DNAH12: variants seen among roughly 807,000 people sequenced by gnomAD.
DNAH12 encodes the protein dynein axonemal heavy chain 12, also known as axonemal beta dynein heavy chain 12.
A neutral mutation model predicts 371.5 loss-of-function variants in DNAH12; 285 were observed. That is an observed-to-expected ratio of 0.77 (90% CI 0.70 to 0.85). The LOEUF is 0.85. Among genes scored for constraint, DNAH12 ranks in the 40% least tolerant of loss-of-function variants. DNAH12 has a pLI of 0.00. For missense variants in DNAH12, 3,611 were observed against 3,689.4 expected (o/e 0.98, Z 0.55); for synonymous variants, 1,200 against 1,213.0 (o/e 0.99, Z 0.22).
intron 51 of DNAH12, among the ~76,000 whole-genome samples, chr3:57,380,070 T>C (rs1265118813): frequency 1.3e-5 from 2 of 152,120 alleles, no homozygotes; most frequent in Non-Finnish European, 2.9e-5. Flanking sequence ...AGTATCTTCT[T>C]AAATAACTTT....
intron 2 of DNAH12, among the ~76,000 whole-genome samples, chr3:57,526,745 G>A (rs1271446212): frequency 6.6e-6 from 1 of 151,764 alleles, no homozygotes; most frequent in Non-Finnish European, 1.5e-5. Context: ...GGATGGTCTC[G>A]ATTTCCTGAC....
intron 39 of DNAH12, 105 bp from the exon 40 acceptor site, chr3:57,408,640 A>C: frequency 7.6e-7 from 1 of 1,321,338 alleles, no homozygotes; most frequent in East Asian, 2.8e-5. Context: ...AGCTTCTCTA[A>C]AAGGAATAAC....
chr3:57,297,353 A>C, intron 70 of DNAH12: 2 of 184,760 alleles, frequency 1.1e-5, no homozygotes. Flanking sequence ...CCAGTTCCTT[A>C]ACCCTATTTT....
intron 11 of DNAH12, among the ~76,000 whole-genome samples, chr3:57,495,044 T>A (rs1397995773): frequency 6.6e-6 from 1 of 151,920 alleles, no homozygotes; most frequent in African/African-American, 2.4e-5. Context: ...AACAGAGATA[T>A]TTTAAAATAA....
chr3:57,347,025 C>A (rs920126399), intron 60 of DNAH12, among the ~76,000 whole-genome samples: 2 of 152,064 alleles, frequency 1.3e-5, no homozygotes, highest in African/African-American at 2.4e-5. Flanking sequence ...CTGAATAATT[C>A]TAAACATATA....
chr3:57,452,895 T>G lies in DNAH12; in HGVS notation c.3734A>C (p.Asn1245Thr), dbSNP rs2065796113. ...AGGCGTAATGACAAGTCGAGGTGAG[T>G]TACCAAGATATTCATAAGCATATTT... Reference protein sequence around the residue: ...NVKYAYEYLGNSPRLVITPLT... With the variant: ...NVKYAYEYLGTSPRLVITPLT... Residue 1245 changes from asparagine (N) to threonine (T), a missense_variant, in exon 25 of 74, where the codon AAC becomes ACC. Transcript: ENST00000495027. The G allele has an allele frequency of 2.6e-6, 4 of 1,550,972 alleles. No individual in the cohort carries two copies. Among genetic ancestry groups the G allele is most frequent in the Non-Finnish European group, 2.6e-6 (3 of 1,146,874 alleles).
chr3:57,539,004 C>A (rs903727956), intron 2 of DNAH12, among the ~76,000 whole-genome samples: 3 of 152,162 alleles, frequency 2.0e-5, no homozygotes, highest in Admixed American at 6.5e-5. Context: ...CAAAGCTAAC[C>A]CAACAGCCAA....
Position 57,309,268 on chromosome 3 carries a change from T to C in DNAH12, c.11086-14A>G. The C allele has an allele frequency of 6.6e-7, 1 of 1,526,246 alleles. No homozygotes were observed. The highest frequency in any genetic ancestry group is 2.5e-5 in the East Asian group (1 of 40,764). 94.5% of individuals were successfully genotyped at this position (1,526,246 alleles called of 1,614,324 possible). On this transcript the variant is annotated splice_polypyrimidine_tract_variant and intron_variant, in intron 68 of 73. Coordinates refer to ENST00000495027, the MANE Select transcript of DNAH12 (RefSeq NM_001366028.2). ...ATCACTAGGGAGCTAAAAGAATAGA[T>C]TTTGAAGATCACAAATTATTCTCAG...
chr3:57,305,196 G>T (rs1382256384), intron 69 of DNAH12, among the ~76,000 whole-genome samples: 6 of 152,000 alleles, frequency 3.9e-5, no homozygotes, highest in African/African-American at 1.4e-4. Context: ...TTTACACATT[G>T]TTCCCTCCCT....
intron 65 of DNAH12, among the ~76,000 whole-genome samples, chr3:57,315,846 G>A (rs1453867344): frequency 6.6e-6 from 1 of 152,084 alleles, no homozygotes; most frequent in Non-Finnish European, 1.5e-5. Flanking sequence ...GTCTATGCTT[G>A]TGTGTCTACA....
intron 11 of DNAH12, among the ~76,000 whole-genome samples, chr3:57,497,754 C>T (rs1377302768): frequency 6.6e-6 from 1 of 151,872 alleles, no homozygotes; most frequent in East Asian, 1.9e-4. Flanking sequence ...ACGTATGAAC[C>T]TCAGAAGAAA....
At position 57,323,813 on chromosome 3, in the gene DNAH12, T is replaced by A. The variant is rs13067860; in HGVS notation, c.9979-194A>T. On this transcript the variant is annotated intron_variant, in intron 62 of 73. Transcript: ENST00000495027. ...TTATAGGAGAAGACTATCCAAAAGA[T>A]AAATGGGCAAAGGAGACAAACTGCT... Among the ~76,000 whole-genome samples the A allele has an allele frequency of 0.35, 52,481 of 151,962 alleles. 9,739 individuals carry two copies. Among genetic ancestry groups the A allele is most frequent in the African/African-American group, 0.47 (19,361 of 41,414 alleles).
chr3:57,378,255 A>T (rs2063321824), intron 52 of DNAH12, among the ~76,000 whole-genome samples: 1 of 151,994 alleles, frequency 6.6e-6, no homozygotes, highest in African/African-American at 2.4e-5. Flanking sequence ...TGCTTTGTAG[A>T]AAGGATCCAC....
chr3:57,333,798 T>G (rs2062162773), intron 62 of DNAH12, among the ~76,000 whole-genome samples: 1 of 152,162 alleles, frequency 6.6e-6, no homozygotes, highest in Non-Finnish European at 1.5e-5. Flanking sequence ...CAATGTGATA[T>G]TCACAATGTC....
chr3:57,361,971 G>A (rs1321519366), intron 58 of DNAH12, among the ~76,000 whole-genome samples: 5 of 151,584 alleles, frequency 3.3e-5, no homozygotes, highest in South Asian at 2.1e-4. Flanking sequence ...CCATTAACTC[G>A]TCATTTACAT....
Position 57,421,855 on chromosome 3 carries a change from G to T in DNAH12, c.5374-149C>A. On this transcript the variant is annotated intron_variant, in intron 35 of 73. Coordinates refer to ENST00000495027, the MANE Select transcript of DNAH12 (RefSeq NM_001366028.2). ...ATAAAGTAGAATGGAGCACTGCTAA[G>T]CCACATAGTCATTTCTCTGACAATT... is the stretch of plus-strand genomic sequence containing the variant. The T allele has an allele frequency of 4.7e-6, 3 of 632,622 alleles. No individual in the cohort carries two copies. The South Asian group carries it at 6.0e-5, about 13-fold the overall frequency. 39.2% of individuals were successfully genotyped at this position (632,622 alleles called of 1,614,324 possible).
chr3:57,296,744 AGAAT>A, intron 71 of DNAH12, 99 bp downstream of exon 71: 1 of 1,287,664 alleles, frequency 7.8e-7, no homozygotes, highest in Non-Finnish European at 1.1e-6. Flanking sequence ...TACAACACAA[AGAAT>A]GAAGTAAAAT....
intron 2 of DNAH12, among the ~76,000 whole-genome samples, chr3:57,533,839 C>T (rs750747053): frequency 2.0e-5 from 3 of 152,178 alleles, no homozygotes; most frequent in East Asian, 1.9e-4. Context: ...AGGAGTGGCA[C>T]AAGTACTCCC....
At chr3:57,297,272 T>C in intron 70 of DNAH12, 1 of 378,856 alleles carries the variant, frequency 2.6e-6, no homozygotes, top group Non-Finnish European at 4.8e-6. Flanking sequence ...CTTTATTATA[T>C]CATCCCACTC....
Sources: gnomAD v4.1 joint callset for allele counts (sites outside exome capture counted in the v4.1 genomes callset) on GRCh38, gnomAD v4.1.1 for gene constraint, MANE v1.5 for transcripts, NCBI Gene and HGNC (gene_info 2026-07-23, HGNC 2026-07-21) for gene names.